AGBL5: variants seen among roughly 807,000 people sequenced by gnomAD.
The protein encoded by AGBL5 is AGBL carboxypeptidase 5, also known as cytosolic carboxypeptidase-like protein 5.
A neutral mutation model predicts 88.0 loss-of-function variants in AGBL5; 51 were observed. The observed-to-expected ratio is 0.58, with a 90% CI of 0.46 to 0.73. The LOEUF (loss-of-function observed/expected upper bound fraction) is 0.73. Among genes scored for constraint, AGBL5 ranks in the 30% least tolerant of loss-of-function variants. The probability of loss-of-function intolerance (pLI) is 0.00; values close to 1 mark genes in which losing one functional copy is unlikely to be tolerated. For synonymous variants in AGBL5, 446 were observed against 438.8 expected, an observed-to-expected ratio of 1.02 and a Z score of -0.21; for missense variants, 1,031 against 1,162.2, an observed-to-expected ratio of 0.89 and a Z score of 1.64.
chr2:27,056,038 C>T lies in AGBL5; in HGVS notation c.1265C>T (p.Pro422Leu), dbSNP rs140111286. 9.9e-6 allele frequency: 16 copies of T among 1,614,094 alleles called. No homozygotes were observed. Among genetic ancestry groups the T allele is most frequent in the Admixed American group, 3.3e-5 (2 of 60,004 alleles). Residue 422 changes from proline (P) to leucine (L), a missense_variant, in exon 7 of 15, where the codon CCC becomes CTC. Coordinates refer to ENST00000360131, the MANE Select transcript of AGBL5 (RefSeq NM_021831.6). Reference sequence around the variant, plus strand: ...GAGTCAGCCCCTGATACCATCCCCCCCAAAGAGAGTGGCGTTGCTTACTAT... The same window carrying T: ...GAGTCAGCCCCTGATACCATCCCCCTCAAAGAGAGTGGCGTTGCTTACTAT... Reference protein sequence around the residue: ...LEESAPDTIPPKESGVAYYVD... With the variant: ...LEESAPDTIPLKESGVAYYVD...
chr2:27,054,510 T>C (rs1668330409), intron 4 of AGBL5, 120 bp from the exon 5 acceptor site: 2 of 908,158 alleles, frequency 2.2e-6, no homozygotes, highest in Non-Finnish European at 3.4e-6. Context: ...TGTGAGGGAC[T>C]ATAAGGCCCC....
At chr2:27,054,881 T>C (rs1668351713) in intron 5 of AGBL5, 74 bp downstream of exon 5, 2 of 1,546,538 alleles carry the variant, frequency 1.3e-6, no homozygotes, top group East Asian at 2.3e-5. Flanking sequence ...CTAAAGACTA[T>C]GTTATCTCTA....
chr2:27,059,543 C>G (rs528257590), intron 11 of AGBL5, 139 bp downstream of exon 11: 3 of 1,520,410 alleles, frequency 2.0e-6, no homozygotes, highest in Non-Finnish European at 2.6e-6. Context: ...GAACCTGTGG[C>G]CTCTCCTACG....
At chr2:27,066,312 G>C (rs1668986304) in intron 11 of AGBL5, among the ~76,000 whole-genome samples, 1 of 151,478 alleles carries the variant, frequency 6.6e-6, no homozygotes, top group South Asian at 2.1e-4. Context: ...GCAAATCTAA[G>C]AGAGGAATAG....
chr2:27,060,642 A>G (rs1668669383), intron 11 of AGBL5, among the ~76,000 whole-genome samples: 1 of 152,166 alleles, frequency 6.6e-6, no homozygotes, highest in Non-Finnish European at 1.5e-5. Context: ...GTGGCTGTGT[A>G]AATCTGACTG....
At chr2:27,054,848 C>T in intron 5 of AGBL5, 41 bp downstream of exon 5, 1 of 1,593,044 alleles carries the variant, frequency 6.3e-7, no homozygotes, top group Admixed American at 1.7e-5. Flanking sequence ...TGGCTTTTCT[C>T]TAGCACCAGG....
chr2:27,068,135 G>T (rs532567971), intron 12 of AGBL5, among the ~76,000 whole-genome samples: 2 of 152,280 alleles, frequency 1.3e-5, no homozygotes, highest in South Asian at 4.1e-4. Context: ...TAAGACTCTA[G>T]TCCAACATGT....
At chr2:27,065,085 C>G (rs1668922053) in intron 11 of AGBL5, among the ~76,000 whole-genome samples, 1 of 152,104 alleles carries the variant, frequency 6.6e-6, no homozygotes, top group African/African-American at 2.4e-5. Flanking sequence ...ATTCTTGTCA[C>G]TGCCTGCTAA....
At position 27,051,792 on chromosome 2, in the gene AGBL5, A is replaced by C. The variant is rs1379173760; in HGVS notation, c.-48A>C. On this transcript the variant is annotated splice_region_variant and 5_prime_UTR_variant, in exon 1 of 15. Coordinates refer to ENST00000360131, the MANE Select transcript of AGBL5 (RefSeq NM_021831.6). Reference sequence around the variant, plus strand: ...GGAGCGGGATCACCGGCCCGGAGAGAGGTGAGGGGCTCTGCGCGGACTACG... The same window carrying C: ...GGAGCGGGATCACCGGCCCGGAGAGCGGTGAGGGGCTCTGCGCGGACTACG... 2.0e-5 allele frequency: 3 copies of C among 152,282 alleles called. No homozygotes were observed. The highest frequency in any genetic ancestry group is 4.4e-5 in the Non-Finnish European group (3 of 68,018). The allele number at this position is 152,282 out of a possible 1,614,324, so 9.4% of individuals were successfully genotyped here.
intron 6 of AGBL5, 145 bp from the exon 7 acceptor site, chr2:27,055,537 C>T (rs1054705113): frequency 1.2e-6 from 1 of 865,592 alleles, no homozygotes; most frequent in Non-Finnish European, 1.7e-6. Context: ...AAAGAGAGGC[C>T]CTGTCTTCAA....
chr2:27,063,556 C>G (rs1370768476), intron 11 of AGBL5, among the ~76,000 whole-genome samples: 1 of 148,752 alleles, frequency 6.7e-6, no homozygotes, highest in Non-Finnish European at 1.5e-5. Context: ...GATCGCGCTA[C>G]TGCACTCCAA....
chr2:27,067,363 G>T, intron 11 of AGBL5, 131 bp from the exon 12 acceptor site: 1 of 794,746 alleles, frequency 1.3e-6, no homozygotes. Context: ...TACTTCAGGA[G>T]AGGGATGTGG....
intron 11 of AGBL5, among the ~76,000 whole-genome samples, chr2:27,067,175 C>G (rs1200672881): frequency 6.7e-6 from 1 of 150,068 alleles, no homozygotes; most frequent in Non-Finnish European, 1.5e-5. Flanking sequence ...TCACCTGAGC[C>G]TAGGAGGCTG....
chr2:27,069,328 T>C (rs914831010), intron 13 of AGBL5: 44 of 985,284 alleles, frequency 4.5e-5, no homozygotes, highest in Non-Finnish European at 5.2e-5. Context: ...GGTGTAGCCA[T>C]GGCGGTTAAA....
intron 11 of AGBL5, among the ~76,000 whole-genome samples, chr2:27,065,788 G>A (rs2148299203): frequency 6.6e-6 from 1 of 152,250 alleles, no homozygotes; most frequent in Admixed American, 6.5e-5. Context: ...CATGAAAGAT[G>A]GTCATGGTTT....
intron 11 of AGBL5, chr2:27,061,121 G>C (rs1202028875): frequency 6.6e-6 from 1 of 152,126 alleles, no homozygotes; most frequent in African/African-American, 2.4e-5. Flanking sequence ...GGAGTGAAGT[G>C]GTGTGATCTC....
chr2:27,063,467 T>C (rs1342006085), intron 11 of AGBL5, among the ~76,000 whole-genome samples: 1 of 151,908 alleles, frequency 6.6e-6, no homozygotes, highest in Admixed American at 6.6e-5. Flanking sequence ...TGGTGGTGGG[T>C]GCCTGTAGTC....
intron 11 of AGBL5, chr2:27,061,169 T>G (rs951158493): frequency 6.6e-6 from 1 of 151,918 alleles, no homozygotes; most frequent in African/African-American, 2.4e-5. Context: ...GTTCAAGCGA[T>G]TCCCCTGCTT....
rs756801984 is a variant in AGBL5, at chr2:27,055,821, C to G, written c.1048C>G (p.His350Asp). 1.9e-6 allele frequency: 3 copies of G among 1,614,094 alleles called. No individual in the cohort carries two copies. The highest frequency in any genetic ancestry group is 2.5e-6 in the Non-Finnish European group (3 of 1,180,056). Residue 350 changes from histidine to aspartate, a missense_variant, in exon 7 of 15, where the codon CAC (histidine) becomes GAC (aspartate). Coordinates refer to ENST00000360131, the MANE Select transcript of AGBL5 (RefSeq NM_021831.6). ...SRLNSQSSSE[H>D]QPSSCLPPDA... ...TCTGAACTCCCAGAGTTCCTCTGAG[C>G]ACCAGCCCAGTTCCTGTCTCCCTCC...
Sources: gnomAD v4.1 joint callset for allele counts (sites outside exome capture counted in the v4.1 genomes callset) on GRCh38, gnomAD v4.1.1 for gene constraint, MANE v1.5 for transcripts, NCBI Gene and HGNC (gene_info 2026-07-23, HGNC 2026-07-21) for gene names.